Variants in STXBP5L observed in about 807,000 individuals in gnomAD.
STXBP5L encodes syntaxin binding protein 5L, also known as syntaxin-binding protein 5-like.
A neutral mutation model predicts 144.5 loss-of-function variants in STXBP5L; 65 were observed. The observed-to-expected ratio is 0.45, with a 90% CI of 0.37 to 0.55. STXBP5L has a LOEUF of 0.55. Ranked by LOEUF, STXBP5L falls within the 20% of genes least tolerant of loss-of-function variation. The pLI is 0.00. For missense variants in STXBP5L, 1,298 were observed against 1,405.5 expected, an observed-to-expected ratio of 0.92 and a Z score of 1.22; for synonymous variants, 505 against 469.6, an observed-to-expected ratio of 1.08 and a Z score of -0.97.
At chr3:121,151,579 G>T (rs1398273240) in intron 7 of STXBP5L, among the ~76,000 whole-genome samples, 1 of 152,064 alleles carries the variant, frequency 6.6e-6, no homozygotes, top group Non-Finnish European at 1.5e-5. Context: ...GTTTTTTGAA[G>T]TTATTGATAC....
chr3:120,974,400 TC>T (rs1441352556), intron 3 of STXBP5L, among the ~76,000 whole-genome samples: 1 of 151,380 alleles, frequency 6.6e-6, no homozygotes, highest in East Asian at 1.9e-4. Context: ...TTTGTTTTTT[TC>T]TTGTAAATTT....
intron 18 of STXBP5L, among the ~76,000 whole-genome samples, chr3:121,270,396 G>A (rs1190804858): frequency 1.3e-5 from 2 of 151,954 alleles, no homozygotes; most frequent in Non-Finnish European, 2.9e-5. Context: ...TCAAATCCAG[G>A]ATCTGGCATT....
At chr3:120,929,349 A>G (rs535027582) in intron 2 of STXBP5L, among the ~76,000 whole-genome samples, 11 of 152,158 alleles carry the variant, frequency 7.2e-5, no homozygotes, top group African/African-American at 2.6e-4. Flanking sequence ...TAGTAATTGT[A>G]TATTATATTG....
chr3:121,068,919 T>C (rs1356864605), intron 5 of STXBP5L, among the ~76,000 whole-genome samples: 3 of 152,224 alleles, frequency 2.0e-5, no homozygotes, highest in African/African-American at 7.2e-5. Flanking sequence ...TTCATAATAG[T>C]TGCAGATTTG....
chr3:120,917,159 G>A (rs970857270), intron 2 of STXBP5L, among the ~76,000 whole-genome samples: 3 of 152,192 alleles, frequency 2.0e-5, no homozygotes, highest in Admixed American at 1.3e-4. Flanking sequence ...GCTTTGTGGA[G>A]TGGTCAAAGA....
At chr3:121,291,254 T>C (rs2051428160) in intron 19 of STXBP5L, among the ~76,000 whole-genome samples, 2 of 152,002 alleles carry the variant, frequency 1.3e-5, no homozygotes, top group Admixed American at 6.6e-5. Flanking sequence ...TATATACCAA[T>C]AGTGACCAAG....
Position 121,423,356 on chromosome 3 carries a change from T to C in STXBP5L, c.*4259T>C, listed in dbSNP as rs886924685. 3 of 152,196 alleles carry C rather than the reference T, an allele frequency of 2.0e-5. No individual in the cohort carries two copies. The highest frequency in any genetic ancestry group is 4.4e-5 in the Non-Finnish European group (3 of 68,030). 9.4% of individuals were successfully genotyped at this position (152,196 alleles called of 1,614,324 possible). ...TGCACCATTCCAGGGAACATGGTTGTCAACATAACAAGTTTAGTGTGTGTA... is the reference window on the plus strand; with the variant it reads ...TGCACCATTCCAGGGAACATGGTTGCCAACATAACAAGTTTAGTGTGTGTA... On this transcript the variant is annotated 3_prime_UTR_variant, in exon 27 of 27. Coordinates refer to ENST00000471454, the MANE Select transcript of STXBP5L (RefSeq NM_001308330.2).
chr3:121,062,653 A>G (rs1346709039), intron 5 of STXBP5L, among the ~76,000 whole-genome samples: 1 of 152,186 alleles, frequency 6.6e-6, no homozygotes, highest in Admixed American at 6.5e-5. Context: ...CCAGTTAAAC[A>G]TAGGTTAGGT....
At chr3:121,019,789 G>A (rs1433909181) in intron 3 of STXBP5L, among the ~76,000 whole-genome samples, 2 of 152,170 alleles carry the variant, frequency 1.3e-5, no homozygotes, top group African/African-American at 4.8e-5. Flanking sequence ...TTGAGTCCCA[G>A]ATCTTCCCAC....
chr3:121,059,780 A>G (rs2041169848), intron 5 of STXBP5L, among the ~76,000 whole-genome samples: 1 of 151,976 alleles, frequency 6.6e-6, no homozygotes, highest in Admixed American at 6.6e-5. Flanking sequence ...TTTGTCTATT[A>G]TTGGTGTCTA....
chr3:121,268,600 T>C (rs928070584), intron 18 of STXBP5L, among the ~76,000 whole-genome samples: 2 of 152,170 alleles, frequency 1.3e-5, no homozygotes, highest in Non-Finnish European at 2.9e-5. Flanking sequence ...TACCATATTA[T>C]ATACTTGAAT....
chr3:121,091,123 G>A (rs1323147791), intron 5 of STXBP5L, among the ~76,000 whole-genome samples: 3 of 148,850 alleles, frequency 2.0e-5, no homozygotes, highest in African/African-American at 7.6e-5. Context: ...ATTTTTTATG[G>A]CTGCATAGTA....
chr3:121,103,501 T>C (rs1219568490), intron 5 of STXBP5L, among the ~76,000 whole-genome samples: 1 of 151,964 alleles, frequency 6.6e-6, no homozygotes, highest in Non-Finnish European at 1.5e-5. Flanking sequence ...TGTACTTGGA[T>C]AAAAGATGGC....
At chr3:120,976,502 G>T (rs564466876) in intron 3 of STXBP5L, among the ~76,000 whole-genome samples, 180 of 152,090 alleles carry the variant, frequency 1.2e-3, no homozygotes, top group African/African-American at 4.2e-3. Flanking sequence ...TCAGCTCCTG[G>T]GTTCATTAAT....
At chr3:121,172,596 G>T (rs570346488) in intron 9 of STXBP5L, among the ~76,000 whole-genome samples, 8 of 152,268 alleles carry the variant, frequency 5.3e-5, no homozygotes, top group Non-Finnish European at 1.2e-4. Flanking sequence ...ATCATCACTG[G>T]TCATTAGAGA....
Position 121,420,583 on chromosome 3 carries a change from T to C in STXBP5L, c.*1486T>C, listed in dbSNP as rs2047333461. On this transcript the variant is annotated 3_prime_UTR_variant, in exon 27 of 27. Coordinates refer to ENST00000471454, the MANE Select transcript of STXBP5L (RefSeq NM_001308330.2). ...AGACACCTACTACCATTTAACATGA[T>C]TCTGGAAGTCAAAAGTTATAGGAAT... The C allele has an allele frequency of 6.6e-6, 1 of 152,128 alleles. No homozygotes were observed. The highest frequency in any genetic ancestry group is 2.1e-4 in the South Asian group (1 of 4,830). The allele number at this position is 152,128 out of a possible 1,614,324, so 9.4% of individuals were successfully genotyped here. A position where few individuals can be genotyped will look rare whatever the true frequency, so the allele number is the denominator to read the frequency against.
chr3:121,159,464 C>T (rs915136921), intron 9 of STXBP5L, among the ~76,000 whole-genome samples: 1 of 151,990 alleles, frequency 6.6e-6, no homozygotes, highest in Non-Finnish European at 1.5e-5. Flanking sequence ...AGCAACCACA[C>T]CCAACCTCAA....
Position 121,333,967 on chromosome 3 carries a change from G to A in STXBP5L, c.2176+15427G>A, listed in dbSNP as rs555747285. Among the ~76,000 whole-genome samples the A allele has an allele frequency of 4.6e-5, 7 of 152,114 alleles. No homozygotes were observed. The South Asian group carries it at 1.0e-3, about 23-fold the overall frequency. ...CCATAATTCCCATTGTTGTGGGAGG[G>A]ACCTGGTGGGAGATAATTGAATCAT... On this transcript the variant is annotated intron_variant, in intron 20 of 26. Coordinates refer to ENST00000471454, the MANE Select transcript of STXBP5L (RefSeq NM_001308330.2).
intron 3 of STXBP5L, among the ~76,000 whole-genome samples, chr3:121,005,334 T>C (rs1944191776): frequency 6.6e-6 from 1 of 152,236 alleles, no homozygotes; most frequent in African/African-American, 2.4e-5. Flanking sequence ...CTAGTTTATT[T>C]GCATAGTGGT....
Sources: allele counts gnomAD v4.1 joint callset (sites outside exome capture counted in the v4.1 genomes callset), GRCh38; gene constraint gnomAD v4.1.1; transcripts MANE v1.5; gene names NCBI Gene and HGNC (gene_info 2026-07-23, HGNC 2026-07-21).